C16orf74: variants seen among roughly 807,000 people sequenced by gnomAD.
C16orf74 encodes the protein uncharacterized protein C16orf74.
C16orf74 carries 10 observed loss-of-function variants against 6.5 expected under a neutral mutation model. The observed-to-expected ratio is 1.54, with a 90% confidence interval of 0.95 to 2.61. C16orf74 has a LOEUF of 2.61. Among genes scored for constraint, C16orf74 ranks in the 30% most tolerant of loss-of-function variants. C16orf74 has a pLI of 0.00. For synonymous variants in C16orf74, 60 were observed against 42.5 expected (o/e 1.41, Z -1.60); for missense variants, 141 against 105.9 (o/e 1.33, Z -1.45).
chr16:85,713,964 A>G (rs1164071379), intron 2 of C16orf74, among the ~76,000 whole-genome samples: 2 of 152,196 alleles, frequency 1.3e-5, no homozygotes, highest in Admixed American at 1.3e-4. Flanking sequence ...ATAACCGGGA[A>G]TCAGAGCCTC....
At chr16:85,714,114 C>G (rs1352581675) in intron 2 of C16orf74, among the ~76,000 whole-genome samples, 1 of 152,124 alleles carries the variant, frequency 6.6e-6, no homozygotes, top group Non-Finnish European at 1.5e-5. Context: ...CTCTTTGCAG[C>G]CTTCTTGTTT....
chr16:85,725,065 TG>T (rs34014028), intron 2 of C16orf74, among the ~76,000 whole-genome samples: 53,939 of 151,014 alleles, frequency 0.36, 9,854 homozygotes, highest in Middle Eastern at 0.46. Flanking sequence ...GGGTGACTGA[TG>T]GGGGGGGGAC....
rs1254914419 is a variant in C16orf74 at position 85,721,718 on chromosome 16, G to A, written c.29-11411C>T. Among the ~76,000 whole-genome samples the A allele has an allele frequency of 2.6e-5, 4 of 152,170 alleles. No individual in the cohort carries two copies. In the South Asian group the frequency reaches 8.3e-4, roughly 32 times the overall value. On this transcript the variant is annotated intron_variant, in intron 2 of 3. Coordinates refer to ENST00000284245, the MANE Select transcript of C16orf74 (RefSeq NM_206967.3). Reference sequence around the variant, plus strand: ...TTGTCATTCACTGCAACAATAACTGGGCATTTCAGGGCTGGCGCTGGCACT... The same window carrying A: ...TTGTCATTCACTGCAACAATAACTGAGCATTTCAGGGCTGGCGCTGGCACT...
intron 2 of C16orf74, among the ~76,000 whole-genome samples, chr16:85,712,091 G>A (rs757559077): frequency 1.6e-4 from 25 of 152,200 alleles, no homozygotes; most frequent in Admixed American, 4.6e-4. Context: ...ACCATGTTAC[G>A]AGGATGCTCA....
chr16:85,717,094 C>A (rs1039217510), intron 2 of C16orf74, among the ~76,000 whole-genome samples: 5 of 152,192 alleles, frequency 3.3e-5, no homozygotes, highest in Non-Finnish European at 5.9e-5. Flanking sequence ...CCCTGACCCC[C>A]GCTCTGCGGC....
At chr16:85,734,581 G>A (rs2054224142) in intron 2 of C16orf74, among the ~76,000 whole-genome samples, 1 of 152,212 alleles carries the variant, frequency 6.6e-6, no homozygotes, top group African/African-American at 2.4e-5. Context: ...GTGACTCCCA[G>A]GTTTTTGGCT....
chr16:85,721,133 C>T (rs1418153793), intron 2 of C16orf74, among the ~76,000 whole-genome samples: 1 of 152,086 alleles, frequency 6.6e-6, no homozygotes, highest in Admixed American at 6.6e-5. Context: ...AGCCCTTGCT[C>T]CATCACTTCC....
In C16orf74 at chr16:85,735,245, G is replaced by C; in HGVS notation, c.-18-10C>G. 3 of 1,572,932 alleles carry C rather than the reference G, an allele frequency of 1.9e-6. No individual in the cohort carries two copies. The highest frequency in any genetic ancestry group is 1.9e-5 in the Admixed American group (1 of 54,008). On this transcript the variant is annotated splice_polypyrimidine_tract_variant and intron_variant, in intron 1 of 3. Coordinates refer to ENST00000284245, the MANE Select transcript of C16orf74 (RefSeq NM_206967.3). ...CGGCACCTCTGCAGGCCTGTGGAGA[G>C]AGGACAGCGCTGAGAGAGGGGAGGG...
At chr16:85,737,872 C>A (rs959357400) in intron 1 of C16orf74, among the ~76,000 whole-genome samples, 8 of 152,054 alleles carry the variant, frequency 5.3e-5, no homozygotes, top group African/African-American at 1.9e-4. Context: ...AACCCGCAGC[C>A]CTCCAGCTGC....
rs2054230345 is a variant in C16orf74, at chr16:85,735,161, G to C, written c.28+29C>G. The stretch of plus-strand genomic sequence containing the variant: ...ACCCAGCACCCCCTCTGCCATGAGA[G>C]CTGGTGGGGGCAGAGCTTCAGGCCT... On this transcript the variant is annotated intron_variant, in intron 2 of 3. Coordinates refer to ENST00000284245, the MANE Select transcript of C16orf74 (RefSeq NM_206967.3). 9 of 1,593,670 alleles carry C rather than the reference G, an allele frequency of 5.6e-6. No individual in the cohort carries two copies. The East Asian group carries it at 7.0e-5, about 12-fold the overall frequency.
At chr16:85,749,649 A>T (rs1339189572) in intron 1 of C16orf74, among the ~76,000 whole-genome samples, 2 of 152,250 alleles carry the variant, frequency 1.3e-5, no homozygotes, top group Non-Finnish European at 2.9e-5. Flanking sequence ...GGATTAAAAC[A>T]GAAAACGCAG....
chr16:85,746,064 G>C (rs931557033), intron 1 of C16orf74, among the ~76,000 whole-genome samples: 1 of 152,118 alleles, frequency 6.6e-6, no homozygotes, highest in African/African-American at 2.4e-5. Context: ...AACTTAGCTG[G>C]GGCTGGGTGC....
chr16:85,723,646 G>C (rs1445581603), intron 2 of C16orf74, among the ~76,000 whole-genome samples: 4 of 152,220 alleles, frequency 2.6e-5, no homozygotes, highest in Non-Finnish European at 5.9e-5. Flanking sequence ...TTCCACCCTA[G>C]GCCACCTTCT....
chr16:85,728,478 T>C (rs1379145535), intron 2 of C16orf74, among the ~76,000 whole-genome samples: 1 of 152,138 alleles, frequency 6.6e-6, no homozygotes, highest in Non-Finnish European at 1.5e-5. Context: ...CAGGAGCCTG[T>C]ATCCATGGTG....
At chr16:85,733,547 T>G (rs1380028596) in intron 2 of C16orf74, among the ~76,000 whole-genome samples, 1 of 152,122 alleles carries the variant, frequency 6.6e-6, no homozygotes, top group Non-Finnish European at 1.5e-5. Flanking sequence ...AACGGTAAGT[T>G]TATGTGATAT....
At chr16:85,731,592 C>T (rs1038166311) in intron 2 of C16orf74, among the ~76,000 whole-genome samples, 8 of 152,098 alleles carry the variant, frequency 5.3e-5, no homozygotes, top group African/African-American at 1.9e-4. Flanking sequence ...TGAGAGTAAT[C>T]GTATCCAGGG....
At chr16:85,720,813 C>T (rs970728776) in intron 2 of C16orf74, among the ~76,000 whole-genome samples, 3 of 148,632 alleles carry the variant, frequency 2.0e-5, no homozygotes, top group African/African-American at 7.5e-5. Flanking sequence ...TGGCGCTGGG[C>T]GTGGCGGCTC....
Position 85,707,628 on chromosome 16 carries a change from G to T in C16orf74, c.*380C>A, listed in dbSNP as rs1005154763. 2.7e-5 allele frequency: 6 copies of T among 220,798 alleles called. No homozygotes were observed. The highest frequency in any genetic ancestry group is 1.4e-3 in the Middle Eastern group (1 of 734). The allele number at this position is 220,798 out of a possible 1,614,324, so 13.7% of individuals were successfully genotyped here. A position where few individuals can be genotyped will look rare whatever the true frequency, so the allele number is the denominator to read the frequency against. On this transcript the variant is annotated 3_prime_UTR_variant, in exon 4 of 4. Transcript: ENST00000284245. ...TAAAAAACAGCCACTCCACCTGCAA[G>T]AAGTTCTTGTTGGTGCTTATGGCAG...
In C16orf74 at chr16:85,742,019, G is replaced by A. The variant is rs866850701; in HGVS notation, c.-18-6784C>T. 1.6e-4 allele frequency among the ~76,000 whole-genome samples: 25 copies of A among 152,300 alleles called. No individual in the cohort carries two copies. In the East Asian group the frequency reaches 2.9e-3, roughly 18 times the overall value. On this transcript the variant is annotated intron_variant, in intron 1 of 3. Transcript: ENST00000284245. ...TCTCATGAACAGCTTGCTTGGTGCC[G>A]TCCTCACAGTAATGGATGAGTTCGC...
Sources: allele counts gnomAD v4.1 joint callset (sites outside exome capture counted in the v4.1 genomes callset), GRCh38; gene constraint gnomAD v4.1.1; transcripts MANE v1.5; gene names NCBI Gene and HGNC (gene_info 2026-07-23, HGNC 2026-07-21).